PIK3C2B: variants seen among roughly 807,000 people sequenced by gnomAD.
PIK3C2B encodes the protein phosphatidylinositol-4-phosphate 3-kinase catalytic subunit type 2 beta.
In PIK3C2B, 83 loss-of-function variants were observed where a neutral mutation model predicts 184.3. The observed-to-expected ratio is 0.45, with a 90% CI of 0.38 to 0.54. PIK3C2B has a LOEUF of 0.54. Among genes scored for constraint, PIK3C2B ranks in the 20% least tolerant of loss-of-function variants. The probability of loss-of-function intolerance (pLI) is 0.00; values close to 1 mark genes in which losing one functional copy is unlikely to be tolerated. For missense variants in PIK3C2B, 1,736 were observed against 2,113.5 expected (o/e 0.82, Z 3.50); for synonymous variants, 779 against 837.6 (o/e 0.93, Z 1.21).
At chr1:204,465,459 T>C in intron 2 of PIK3C2B, 140 bp from the exon 3 acceptor site, 1 of 632,634 alleles carries the variant, frequency 1.6e-6, no homozygotes, top group Non-Finnish European at 2.9e-6. Context: ...CACAAGAACA[T>C]ATGGGACATC....
At chr1:204,481,842 T>C (rs950035689) in intron 1 of PIK3C2B, among the ~76,000 whole-genome samples, 1 of 152,290 alleles carries the variant, frequency 6.6e-6, no homozygotes, top group East Asian at 1.9e-4. Flanking sequence ...AAAGAAGCCG[T>C]GGGGTCCCCA....
At chr1:204,430,136 T>C in intron 28 of PIK3C2B, 98 bp from the exon 29 acceptor site, 1 of 748,636 alleles carries the variant, frequency 1.3e-6, no homozygotes. Flanking sequence ...GCGTTTCCAG[T>C]CCCCTAGCAC....
chr1:204,442,803 C>T (rs1015747496), intron 19 of PIK3C2B, among the ~76,000 whole-genome samples, 170 bp from the exon 20 acceptor site: 1 of 152,202 alleles, frequency 6.6e-6, no homozygotes, highest in Non-Finnish European at 1.5e-5. Context: ...ACACCCCAGC[C>T]TGGGACTGTA....
At position 204,424,968 on chromosome 1, in the gene PIK3C2B, C is replaced by A; in HGVS notation, c.4789G>T (p.Gly1597Ter). The A allele has an allele frequency of 6.2e-7, 1 of 1,614,156 alleles. No individual in the cohort carries two copies. The highest frequency in any genetic ancestry group is 8.5e-7 in the Non-Finnish European group (1 of 1,179,992). Reference sequence around the variant, plus strand: ...CCGAGGAGGACGTTCTCCCAGAATCCCTGCTCACTCAGCACGCTCAGCTGG... The same window carrying A: ...CCGAGGAGGACGTTCTCCCAGAATCACTGCTCACTCAGCACGCTCAGCTGG... ...ELQLSVLSEQGFWENVLLGEV... is the reference protein window; with the variant it reads ...ELQLSVLSEQ Residue 1597 changes from glycine to a stop codon, truncating the protein, a stop_gained, in exon 33 of 33, where the codon GGA (glycine) becomes TGA (stop). Coordinates refer to ENST00000684373, the MANE Select transcript of PIK3C2B (RefSeq NM_001377334.1). LOFTEE classifies it high-confidence loss of function.
chr1:204,448,427 C>G (rs145088052), intron 14 of PIK3C2B, among the ~76,000 whole-genome samples: 407 of 152,216 alleles, frequency 2.7e-3, no homozygotes, highest in African/African-American at 9.3e-3. Flanking sequence ...CTATTGAATC[C>G]TAACATGTGC....
chr1:204,441,652 C>G (rs1572308599), intron 20 of PIK3C2B, 89 bp from the exon 21 acceptor site: 1 of 747,346 alleles, frequency 1.3e-6, no homozygotes, highest in East Asian at 2.6e-5. Flanking sequence ...AAGATGCTGC[C>G]TCCCCGCTGC....
chr1:204,486,394 C>CAA (rs34149363), intron 1 of PIK3C2B, among the ~76,000 whole-genome samples: 7 of 86,572 alleles, frequency 8.1e-5, no homozygotes, highest in African/African-American at 3.3e-4. Flanking sequence ...GACTCAGTCT[C>CAA]AAAAAAAAAA....
At chr1:204,458,653 C>G (rs2103501587) in intron 8 of PIK3C2B, among the ~76,000 whole-genome samples, 1 of 152,122 alleles carries the variant, frequency 6.6e-6, no homozygotes, top group Admixed American at 6.5e-5. Flanking sequence ...GCAACCACAC[C>G]CAGTTAATTT....
chr1:204,465,240 GC>G lies in PIK3C2B; in HGVS notation c.1012del (p.Ala338HisfsTer41). ...TTACATATCCAGCATGTGGCAAAAT[GC>G]AGCAACCTCCTCATCTCTCTCTTCT... is the stretch of plus-strand genomic sequence containing the variant. ...VSEERDEEVA[A>X]FCHMLDILRS... On this transcript the variant is annotated frameshift_variant, in exon 3 of 33. Transcript: ENST00000684373. LOFTEE classifies it high-confidence loss of function. 1 of 1,429,530 alleles carries G rather than the reference GC, an allele frequency of 7.0e-7. No homozygotes were observed. Among genetic ancestry groups the G allele is most frequent in the Non-Finnish European group, 9.4e-7 (1 of 1,067,306 alleles). 88.6% of individuals were successfully genotyped at this position (1,429,530 alleles called of 1,614,324 possible). A position where few individuals can be genotyped will look rare whatever the true frequency, so the allele number is the denominator to read the frequency against.
intron 30 of PIK3C2B, 54 bp downstream of exon 30, chr1:204,428,085 C>A (rs1045029968): frequency 2.6e-5 from 27 of 1,023,944 alleles, no homozygotes; most frequent in Non-Finnish European, 4.0e-5. Flanking sequence ...GAAGCAGTTA[C>A]CCTTGGGGTA....
intron 31 of PIK3C2B, 95 bp downstream of exon 31, chr1:204,427,553 T>C: frequency 1.3e-6 from 1 of 784,356 alleles, no homozygotes; most frequent in Non-Finnish European, 2.2e-6. Flanking sequence ...ACTGTGGTGG[T>C]TACCCATATG....
intron 24 of PIK3C2B, 54 bp downstream of exon 24, chr1:204,434,385 T>C: frequency 2.6e-6 from 4 of 1,536,828 alleles, no homozygotes; most frequent in South Asian, 2.3e-5. Context: ...TCTGAACCAC[T>C]GTTGCTCACC....
intron 1 of PIK3C2B, among the ~76,000 whole-genome samples, chr1:204,492,570 G>T (rs565528429): frequency 6.6e-6 from 1 of 152,036 alleles, no homozygotes; most frequent in Non-Finnish European, 1.5e-5. Flanking sequence ...ACCACCAAGC[G>T]GGGACCAAAG....
intron 11 of PIK3C2B, among the ~76,000 whole-genome samples, chr1:204,455,221 C>G (rs1007417737): frequency 6.6e-6 from 1 of 152,108 alleles, no homozygotes; most frequent in Non-Finnish European, 1.5e-5. Flanking sequence ...AGGTGCCTGA[C>G]AGAAGAGGTC....
chr1:204,464,903 C>T (rs1045353945), intron 3 of PIK3C2B, among the ~76,000 whole-genome samples: 1 of 152,192 alleles, frequency 6.6e-6, no homozygotes, highest in Non-Finnish European at 1.5e-5. Flanking sequence ...CATTTCCTTT[C>T]TCTTTTAGTT....
In PIK3C2B at chr1:204,429,945, G is replaced by T; in HGVS notation, c.4374C>A (p.Ile1458=). Reference sequence around the variant, plus strand: ...CCTCGGCCACCTCAGGGGGTGCGTGGATCAAGTGCCAGATGTAACCGTTTA... The same window carrying T: ...CCTCGGCCACCTCAGGGGGTGCGTGTATCAAGTGCCAGATGTAACCGTTTA... ...EELNGYIWHL[I]HAPPEVAECD... Residue 1458 remains isoleucine, a synonymous_variant, in exon 29 of 33, where the codon ATC becomes ATA. Coordinates refer to ENST00000684373, the MANE Select transcript of PIK3C2B (RefSeq NM_001377334.1). The T allele has an allele frequency of 6.2e-7, 1 of 1,612,280 alleles. No individual in the cohort carries two copies. Among genetic ancestry groups the T allele is most frequent in the Non-Finnish European group, 8.5e-7 (1 of 1,179,260 alleles).
chr1:204,464,493 C>G lies in PIK3C2B; in HGVS notation c.1146G>C (p.Val382=), dbSNP rs1259036036. 3.8e-5 allele frequency: 62 copies of G among 1,614,048 alleles called. No homozygotes were observed. Among genetic ancestry groups the G allele is most frequent in the Non-Finnish European group, 4.9e-5 (58 of 1,180,000 alleles). The part of the protein sequence containing the change: ...LGDEVNLKVT[V]LCDRLQEALT... ...GTGCCTCTTGAAGCCTGTCACACAA[C>G]ACAGTCACCTTCAGGTTGACCTCAT... The change falls in exon 4 of 33, where the codon GTG becomes GTC. Residue 382 remains valine (V), a synonymous_variant. Transcript: ENST00000684373.
At chr1:204,484,739 A>G (rs911371311) in intron 1 of PIK3C2B, among the ~76,000 whole-genome samples, 2 of 152,338 alleles carry the variant, frequency 1.3e-5, no homozygotes, top group African/African-American at 2.4e-5. Flanking sequence ...GTCTCAAAAA[A>G]AAAAAAGTGT....
chr1:204,487,822 T>C (rs2103539620), intron 1 of PIK3C2B, among the ~76,000 whole-genome samples: 1 of 152,210 alleles, frequency 6.6e-6, no homozygotes, highest in African/African-American at 2.4e-5. Context: ...CCCCACTCCA[T>C]GAAGAAACTC....
Sources: gnomAD v4.1 joint callset for allele counts (sites outside exome capture counted in the v4.1 genomes callset) on GRCh38, gnomAD v4.1.1 for gene constraint, MANE v1.5 for transcripts, NCBI Gene and HGNC (gene_info 2026-07-23, HGNC 2026-07-21) for gene names.